HGS: variants seen among roughly 807,000 people sequenced by gnomAD.
The protein encoded by HGS is human growth factor-regulated tyrosine kinase substrate.
A neutral mutation model predicts 109.7 loss-of-function variants in HGS; 63 were observed. That is an observed-to-expected ratio of 0.57 (90% CI 0.47 to 0.71). HGS has a LOEUF of 0.71. HGS is among the 30% of genes least tolerant of loss of function. HGS has a pLI of 0.00. For synonymous variants in HGS, 546 were observed against 437.3 expected, an observed-to-expected ratio of 1.25 and a Z score of -3.10; for missense variants, 995 against 1,068.3, an observed-to-expected ratio of 0.93 and a Z score of 0.96.
chr17:81,686,961 C>G, intron 3 of HGS, 42 bp from the exon 4 acceptor site: 1 of 1,538,028 alleles, frequency 6.5e-7, no homozygotes, highest in Non-Finnish European at 9.0e-7. Context: ...GGGGCCCTGC[C>G]CTGACCACTG....
intron 1 of HGS, chr17:81,684,845 C>T (rs1371716724): frequency 8.4e-6 from 8 of 955,370 alleles, no homozygotes; most frequent in Non-Finnish European, 1.0e-5. Context: ...GAGACACCTT[C>T]CTTGCCAAGG....
chr17:81,686,142 G>A lies in HGS; in HGVS notation c.123-170G>A, dbSNP rs2036976055. 3.0e-5 allele frequency: 18 copies of A among 609,734 alleles called. 1 individual carries two copies. The South Asian group carries it at 3.5e-4, about 12-fold the overall frequency. The allele number at this position is 609,734 out of a possible 1,614,324, so 37.8% of individuals were successfully genotyped here. On this transcript the variant is annotated intron_variant, in intron 2 of 21. Coordinates refer to ENST00000329138, the MANE Select transcript of HGS (RefSeq NM_004712.5). ...GATGGGTTTTTGCCGTAATGCACAG[G>A]CTGGTCTCAGACTCCTGGGCTCAAG...
chr17:81,692,515 C>A (rs1357626420), intron 8 of HGS: 1 of 152,260 alleles, frequency 6.6e-6, no homozygotes, highest in Non-Finnish European at 1.5e-5. Flanking sequence ...TGCCTTGAGC[C>A]ACGTCAAGTC....
chr17:81,690,357 G>A (rs1422070246), intron 6 of HGS, 123 bp downstream of exon 6: 5 of 1,025,362 alleles, frequency 4.9e-6, no homozygotes, highest in African/African-American at 3.2e-5. Context: ...GGGACCTGAG[G>A]ATGCCTGTGT....
chr17:81,690,000 A>G (rs998267918), intron 5 of HGS, among the ~76,000 whole-genome samples, 182 bp from the exon 6 acceptor site: 5 of 151,940 alleles, frequency 3.3e-5, no homozygotes, highest in African/African-American at 7.3e-5. Context: ...CGCCACAGTG[A>G]GGACAGAGGC....
chr17:81,689,300 G>A (rs1274597065), intron 5 of HGS, among the ~76,000 whole-genome samples: 5 of 152,222 alleles, frequency 3.3e-5, no homozygotes, highest in African/African-American at 1.2e-4. Flanking sequence ...CCTGTGCGCC[G>A]AGGGCCTCCA....
chr17:81,692,952 A>C (rs2037087697), intron 8 of HGS: 1 of 152,128 alleles, frequency 6.6e-6, no homozygotes, highest in Admixed American at 6.6e-5. Context: ...CGGAGATTGC[A>C]GTGAGCCAAG....
chr17:81,701,066 A>G lies in HGS; in HGVS notation c.2158A>G (p.Ser720Gly). 1 of 1,614,044 alleles carries G rather than the reference A, an allele frequency of 6.2e-7. No individual in the cohort carries two copies. Among genetic ancestry groups the G allele is most frequent in the Non-Finnish European group, 8.5e-7 (1 of 1,180,006 alleles). The change falls in exon 21 of 22, where the codon AGC becomes GGC. Residue 720 changes from serine (S) to glycine (G), a missense_variant. This residue lies in a region of HGS where 326 missense variants were observed against 309.7 expected (regional missense o/e 1.05). Transcript: ENST00000329138. The stretch of plus-strand genomic sequence containing the variant: ...ACAGAATCTCATGACCACCCTCCCA[A>G]GCCAGGATGCGTCTCTGCCACCCCA... ...NMQNLMTTLP[S>G]QDASLPPQQP...
intron 14 of HGS, 33 bp from the exon 15 acceptor site, chr17:81,695,753 C>T (rs780190164): frequency 1.9e-6 from 3 of 1,607,242 alleles, no homozygotes; most frequent in East Asian, 2.2e-5. Flanking sequence ...TGGGGCGTGG[C>T]CGCACTCATC....
At chr17:81,698,949 C>T (rs752454377) in intron 18 of HGS, among the ~76,000 whole-genome samples, 11 of 152,078 alleles carry the variant, frequency 7.2e-5, no homozygotes, top group Non-Finnish European at 1.6e-4. Flanking sequence ...CACCTGTAAT[C>T]CCAGCTACTT....
At position 81,688,855 on chromosome 17, in the gene HGS, G is replaced by A. The variant is rs762447267; in HGVS notation, c.415+28G>A. On this transcript the variant is annotated intron_variant, in intron 5 of 21. Transcript: ENST00000329138. The stretch of plus-strand genomic sequence containing the variant: ...GAGTCAGGACTGAGGTTGGGACCAG[G>A]TTGAGGCTTGGAACTGCTGGGCAGT... The A allele has an allele frequency of 6.8e-6, 11 of 1,613,888 alleles. No homozygotes were observed. The South Asian group carries it at 8.8e-5, about 13-fold the overall frequency.
chr17:81,684,793 C>T (rs2144478877), intron 1 of HGS: 1 of 524,620 alleles, frequency 1.9e-6, no homozygotes, highest in Non-Finnish European at 2.4e-6. Flanking sequence ...GCTGCCCAAG[C>T]TTGCCTTTTT....
chr17:81,688,322 A>G (rs1412545621), intron 4 of HGS, among the ~76,000 whole-genome samples: 1 of 151,712 alleles, frequency 6.6e-6, no homozygotes, highest in African/African-American at 2.4e-5. Context: ...GGGCGTGGCC[A>G]GAGCCCCGCA....
intron 14 of HGS, chr17:81,695,562 C>T: frequency 1.7e-6 from 1 of 602,948 alleles, no homozygotes; most frequent in Non-Finnish European, 2.9e-6. Context: ...AGGGAGCTGG[C>T]AGTGGGGCCC....
intron 11 of HGS, among the ~76,000 whole-genome samples, chr17:81,694,297 C>T (rs2037111539): frequency 1.3e-5 from 2 of 152,248 alleles, no homozygotes; most frequent in Non-Finnish European, 1.5e-5. Context: ...CGTCACCTCT[C>T]CCTGGCCTCA....
At position 81,695,798 on chromosome 17, in the gene HGS, A is replaced by T. The variant is rs1309763302; in HGVS notation, c.1192A>T (p.Asn398Tyr). ...GGPFSEPQFH[N>Y]GESEESHEQF... Reference sequence around the variant, plus strand: ...GCTCTGCCTGCAGCCACAGTTCCACAATGGCGAGTCTGAGGAGAGCCACGA... The same window carrying T: ...GCTCTGCCTGCAGCCACAGTTCCACTATGGCGAGTCTGAGGAGAGCCACGA... The change falls in exon 15 of 22, where the codon AAT becomes TAT. Residue 398 changes from asparagine to tyrosine, a missense_variant. Physicochemically the swap from Asn to Tyr is moderately radical, Grantham distance 143. This residue lies in a region of HGS where 300 missense variants were observed against 235.4 expected (regional missense o/e 1.27). Coordinates refer to ENST00000329138, the MANE Select transcript of HGS (RefSeq NM_004712.5). 1 of 1,613,396 alleles carries T rather than the reference A, an allele frequency of 6.2e-7. No individual in the cohort carries two copies. The highest frequency in any genetic ancestry group is 8.5e-7 in the Non-Finnish European group (1 of 1,179,984).
intron 5 of HGS, among the ~76,000 whole-genome samples, chr17:81,689,703 C>T (rs1024806485): frequency 3.3e-5 from 5 of 152,172 alleles, no homozygotes; most frequent in South Asian, 2.1e-4. Flanking sequence ...ACGGGAAGAA[C>T]GCAGGGGGCG....
In HGS at chr17:81,691,635, C is replaced by G; in HGVS notation, c.662+64C>G. ...GGCTCTCCAGGCTGGGTTTTCTGTC[C>G]CTCTTGGCCATGGTGCCTGAGGCCT... On this transcript the variant is annotated intron_variant, in intron 8 of 21. Coordinates refer to ENST00000329138, the MANE Select transcript of HGS (RefSeq NM_004712.5). The surrounding 1 kb of genome is among the most constrained non-coding windows in gnomAD (Gnocchi z 5.3). 6.2e-7 allele frequency: 1 copy of G among 1,603,632 alleles called. No homozygotes were observed. Among genetic ancestry groups the G allele is most frequent in the Non-Finnish European group, 8.5e-7 (1 of 1,173,516 alleles).
At chr17:81,701,241 CAG>C (rs1491253774) in intron 21 of HGS, 110 bp downstream of exon 21, 56 of 1,009,554 alleles carry the variant, frequency 5.5e-5, no homozygotes, top group East Asian at 1.6e-4. Flanking sequence ...CGTCTGCTCA[CAG>C]GGGGAGACGC....
Sources: allele counts gnomAD v4.1 joint callset (sites outside exome capture counted in the v4.1 genomes callset), GRCh38; gene constraint gnomAD v4.1.1; regional missense constraint gnomAD v4.1.1; non-coding constraint Gnocchi (gnomAD v3.1); transcripts MANE v1.5; gene names NCBI Gene and HGNC (gene_info 2026-07-23, HGNC 2026-07-21).